The following DOCK4 variants were observed in gnomAD, a reference collection of about 807,000 sequenced individuals.
The protein encoded by DOCK4 is dedicator of cytokinesis protein 4.
In DOCK4, 97 loss-of-function variants were observed where a neutral mutation model predicts 268.1. The observed-to-expected ratio is 0.36, with a 90% CI of 0.31 to 0.43. The LOEUF (loss-of-function observed/expected upper bound fraction) is 0.43. DOCK4 is among the 20% of genes least tolerant of loss of function. The pLI, the probability that DOCK4 is intolerant of heterozygous loss-of-function variation, is 1.00. For synonymous variants in DOCK4, 954 were observed against 887.2 expected, an observed-to-expected ratio of 1.08 and a Z score of -1.34; for missense variants, 2,145 against 2,455.7, an observed-to-expected ratio of 0.87 and a Z score of 2.67.
At chr7:111,902,600 C>T (rs1791232177) in intron 13 of DOCK4, among the ~76,000 whole-genome samples, 1 of 152,056 alleles carries the variant, frequency 6.6e-6, no homozygotes, top group African/African-American at 2.4e-5. Flanking sequence ...AAAAATTAAA[C>T]TAGCGGGAAA....
intron 1 of DOCK4, among the ~76,000 whole-genome samples, chr7:112,014,439 C>T (rs1801634429): frequency 6.6e-6 from 1 of 152,118 alleles, no homozygotes; most frequent in Non-Finnish European, 1.5e-5. Flanking sequence ...GCAAATACCA[C>T]AAAAGCGAAC....
chr7:112,001,711 T>C (rs755729726), intron 2 of DOCK4, among the ~76,000 whole-genome samples: 1 of 152,240 alleles, frequency 6.6e-6, no homozygotes, highest in Non-Finnish European at 1.5e-5. Context: ...AATTATTCTA[T>C]TTCATCATTA....
intron 44 of DOCK4, among the ~76,000 whole-genome samples, chr7:111,744,562 G>A (rs1796141758): frequency 6.6e-6 from 1 of 152,210 alleles, no homozygotes; most frequent in African/African-American, 2.4e-5. Flanking sequence ...TTTCTTGGCA[G>A]TCTTCTTGAC....
At chr7:111,929,231 A>G (rs1793991948) in intron 12 of DOCK4, among the ~76,000 whole-genome samples, 1 of 152,208 alleles carries the variant, frequency 6.6e-6, no homozygotes, top group Non-Finnish European at 1.5e-5. Flanking sequence ...CTTAAGGATC[A>G]TATCAAATTC....
intron 2 of DOCK4, among the ~76,000 whole-genome samples, chr7:112,001,616 GA>G (rs34876210): frequency 1.3e-5 from 2 of 151,224 alleles, no homozygotes; most frequent in East Asian, 1.9e-4. Context: ...AATAAGGAAA[GA>G]AAAAAAAATC....
At chr7:112,030,147 T>A (rs1803149436) in intron 1 of DOCK4, among the ~76,000 whole-genome samples, 1 of 152,220 alleles carries the variant, frequency 6.6e-6, no homozygotes, top group Non-Finnish European at 1.5e-5. Context: ...TTTTGCAGAA[T>A]GCAGAAAAGA....
chr7:112,034,744 A>G (rs1803590963), intron 1 of DOCK4, among the ~76,000 whole-genome samples: 1 of 152,112 alleles, frequency 6.6e-6, no homozygotes. Context: ...TACTAAAAAC[A>G]CAAAAATTAG....
chr7:111,884,782 T>C (rs1807697752), intron 16 of DOCK4, among the ~76,000 whole-genome samples: 1 of 152,082 alleles, frequency 6.6e-6, no homozygotes, highest in Non-Finnish European at 1.5e-5. Flanking sequence ...ACACAACAAA[T>C]GTGCTAGAAA....
chr7:111,744,438 G>A (rs968211191), intron 44 of DOCK4, among the ~76,000 whole-genome samples: 17 of 152,144 alleles, frequency 1.1e-4, no homozygotes, highest in Admixed American at 7.9e-4. Context: ...TGACAGTCAC[G>A]TGCACTGCTT....
At chr7:111,946,091 T>C (rs1425212802) in intron 8 of DOCK4, among the ~76,000 whole-genome samples, 1 of 152,182 alleles carries the variant, frequency 6.6e-6, no homozygotes, top group Non-Finnish European at 1.5e-5. Flanking sequence ...TTCCAAGAGG[T>C]AGAAATAAAT....
At position 111,783,970 on chromosome 7, in the gene DOCK4, CG is replaced by C; in HGVS notation, c.3429-19del. On this transcript the variant is annotated intron_variant, in intron 33 of 52. Coordinates refer to ENST00000428084, the MANE Select transcript of DOCK4 (RefSeq NM_001363540.2). ...TTAGTAGACTGGAAAAGAAAGAACCCGGGGCATTTTCAACATTTATTTTTAT... is the reference window on the plus strand; with the variant it reads ...TTAGTAGACTGGAAAAGAAAGAACCCGGGCATTTTCAACATTTATTTTTAT... The C allele has an allele frequency of 6.3e-7, 1 of 1,584,536 alleles. No homozygotes were observed. The highest frequency in any genetic ancestry group is 1.3e-5 in the African/African-American group (1 of 74,348).
intron 8 of DOCK4, chr7:111,971,993 C>G (rs114327285): frequency 0.015 from 2,392 of 158,996 alleles, 71 homozygotes; most frequent in African/African-American, 0.054. Context: ...TCTTGGCCTT[C>G]TTTCCTTTCC....
At chr7:112,101,019 T>C (rs1341196499) in intron 1 of DOCK4, among the ~76,000 whole-genome samples, 1 of 152,146 alleles carries the variant, frequency 6.6e-6, no homozygotes, top group Non-Finnish European at 1.5e-5. Flanking sequence ...CATTCATCTA[T>C]TGTAAGAGTC....
Position 111,741,648 on chromosome 7 carries a change from C to A in DOCK4, c.4811G>T (p.Cys1604Phe). The A allele has an allele frequency of 6.2e-7, 1 of 1,612,808 alleles. No individual in the cohort carries two copies. Among genetic ancestry groups the A allele is most frequent in the Non-Finnish European group, 8.5e-7 (1 of 1,179,542 alleles). ...SSLGIQEFSA[C>F]MQASPVHFPN... ...AAAATGGACAGGACTGGCTTGCATA[C>A]AAGCAGAGAACTCCTAAAGATGTAG... The change falls in exon 46 of 53, where the codon TGT becomes TTT. Residue 1604 changes from cysteine (C) to phenylalanine (F), a missense_variant. By Grantham distance (205) the Cys-to-Phe change is radical. Around this residue, in one of 2 missense-constraint regions of DOCK4, gnomAD observed 1,598 missense variants for 1,986.7 expected, o/e 0.80. Coordinates refer to ENST00000428084, the MANE Select transcript of DOCK4 (RefSeq NM_001363540.2).
At position 111,940,104 on chromosome 7, in the gene DOCK4, T is replaced by C. The variant is rs1353773001; in HGVS notation, c.977+6A>G. The C allele has an allele frequency of 6.2e-7, 1 of 1,613,956 alleles. No individual in the cohort carries two copies. Among genetic ancestry groups the C allele is most frequent in the Non-Finnish European group, 8.5e-7 (1 of 1,179,858 alleles). On this transcript the variant is annotated splice_donor_region_variant and intron_variant, in intron 11 of 52. Coordinates refer to ENST00000428084, the MANE Select transcript of DOCK4 (RefSeq NM_001363540.2). ...CCCCAGCCATCACCACGTGCATGTT[T>C]CTTACATGTATACTTTCAGAATGAG...
At position 112,018,143 on chromosome 7, in the gene DOCK4, CAAAAAAAAAAAAAAAAAAAAAA is replaced by C. The variant is rs140883588; in HGVS notation, c.38-14034_38-14013del. Among the ~76,000 whole-genome samples, 25 of 20,640 alleles carry C rather than the reference CAAAAAAAAAAAAAAAAAAAAAA, an allele frequency of 1.2e-3. No homozygotes were observed. In the East Asian group the frequency reaches 0.02, roughly 17 times the overall value. 13.5% of individuals were successfully genotyped at this position (20,640 alleles called of 152,430 possible). A position where few individuals can be genotyped will look rare whatever the true frequency, so the allele number is the denominator to read the frequency against. On this transcript the variant is annotated intron_variant, in intron 1 of 52. Coordinates refer to ENST00000428084, the MANE Select transcript of DOCK4 (RefSeq NM_001363540.2). ...TGGGCAACACAGCAAGACTCCAGCT[CAAAAAAAAAAAAAAAAAAAAAA>C]AAAAAAAAAAAAAAACACAGGCAAC...
intron 1 of DOCK4, among the ~76,000 whole-genome samples, chr7:112,101,387 A>C (rs1412357387): frequency 6.6e-6 from 1 of 152,262 alleles, no homozygotes; most frequent in African/African-American, 2.4e-5. Context: ...AATATATGCT[A>C]TAAAGAAGAA....
chr7:111,785,995 T>C (rs1446505146), intron 32 of DOCK4, among the ~76,000 whole-genome samples: 2 of 152,182 alleles, frequency 1.3e-5, no homozygotes, highest in South Asian at 2.1e-4. Flanking sequence ...GGTATCATAA[T>C]GGGGTTACGT....
At chr7:111,779,172 CTCTTTAT>C (rs1485538573) in intron 35 of DOCK4, among the ~76,000 whole-genome samples, 1 of 151,694 alleles carries the variant, frequency 6.6e-6, no homozygotes, top group Non-Finnish European at 1.5e-5. Context: ...AATAAAAAGG[CTCTTTAT>C]TTTTAAGATG....
Sources: gnomAD v4.1 joint callset for allele counts (sites outside exome capture counted in the v4.1 genomes callset) on GRCh38, gnomAD v4.1.1 for gene constraint, gnomAD v4.1.1 regional missense constraint, MANE v1.5 for transcripts, NCBI Gene and HGNC (gene_info 2026-07-23, HGNC 2026-07-21) for gene names.